Variants in DNAH17 observed in about 807,000 individuals in gnomAD.
DNAH17 encodes the protein axonemal beta dynein heavy chain 17.
DNAH17 carries 376 observed loss-of-function variants against 485.6 expected under a neutral mutation model. That is an observed-to-expected ratio of 0.77 (90% CI 0.71 to 0.84). DNAH17 has a LOEUF of 0.84. Among genes scored for constraint, DNAH17 ranks in the 40% least tolerant of loss-of-function variants. DNAH17 has a pLI of 0.00. For missense variants in DNAH17, 6,370 were observed against 5,839.3 expected (o/e 1.09, Z -2.96); for synonymous variants, 3,031 against 2,405.9 (o/e 1.26, Z -7.60).
At chr17:78,554,352 G>A (rs115727505) in intron 14 of DNAH17, among the ~76,000 whole-genome samples, 21 of 141,028 alleles carry the variant, frequency 1.5e-4, no homozygotes, top group Admixed American at 8.6e-4. Context: ...TGCGAGAATC[G>A]CTTGAACCCA....
intron 54 of DNAH17, 128 bp downstream of exon 54, chr17:78,475,150 G>T: frequency 1.8e-6 from 2 of 1,081,896 alleles, no homozygotes; most frequent in Non-Finnish European, 2.6e-6. Flanking sequence ...AAGACCCTTT[G>T]GATAAGGACT....
At chr17:78,485,153 T>A in intron 47 of DNAH17, 120 bp from the exon 48 acceptor site, 6 of 1,321,678 alleles carry the variant, frequency 4.5e-6, no homozygotes, top group Non-Finnish European at 6.0e-6. Flanking sequence ...GGGATCCAAG[T>A]TTACCAAAGG....
At chr17:78,572,181 G>A (rs1251230770) in intron 3 of DNAH17, among the ~76,000 whole-genome samples, 2 of 152,160 alleles carry the variant, frequency 1.3e-5, no homozygotes, top group East Asian at 3.9e-4. Flanking sequence ...AATTGTCACG[G>A]GGGTCTCACA....
intron 2 of DNAH17, among the ~76,000 whole-genome samples, chr17:78,574,184 G>A (rs1002565925): frequency 2.0e-5 from 3 of 152,172 alleles, no homozygotes; most frequent in African/African-American, 7.2e-5. Context: ...ACCACCTGGA[G>A]GTCTTGTTAG....
intron 19 of DNAH17, among the ~76,000 whole-genome samples, chr17:78,533,636 C>T (rs538608008): frequency 4.6e-5 from 7 of 152,214 alleles, no homozygotes; most frequent in South Asian, 2.1e-4. Context: ...CCAAGGTGGT[C>T]GGTGTGTGTA....
chr17:78,558,601 G>GGGTGGATGATGTCATCATTGTA (rs1469272384), intron 13 of DNAH17, among the ~76,000 whole-genome samples: 139 of 152,160 alleles, frequency 9.1e-4, no homozygotes, highest in African/African-American at 3.2e-3. Flanking sequence ...TTATCCTTAT[G>GGGTGGATGATGTCATCATTGTA]GGTGGATGAT....
chr17:78,569,318 G>A, intron 8 of DNAH17, 57 bp downstream of exon 8: 1 of 1,603,294 alleles, frequency 6.2e-7, no homozygotes, highest in Admixed American at 1.7e-5. Context: ...TCAAATATCG[G>A]GGCTCATATG....
chr17:78,492,157 T>G (rs690696), intron 42 of DNAH17, among the ~76,000 whole-genome samples: 93,971 of 151,436 alleles, frequency 0.62, 29,374 homozygotes, highest in East Asian at 0.82. Context: ...TCCCGCTGAC[T>G]CCTCCTCAGC....
At chr17:78,456,559 G>A (rs772081395) in intron 62 of DNAH17, among the ~76,000 whole-genome samples, 10 of 152,218 alleles carry the variant, frequency 6.6e-5, no homozygotes, top group Non-Finnish European at 1.3e-4. Context: ...CATCCAGAAG[G>A]CACCTGGCCC....
At chr17:78,449,281 A>G (rs2146487389) in intron 69 of DNAH17, 133 bp downstream of exon 69, 1 of 874,060 alleles carries the variant, frequency 1.1e-6, no homozygotes, top group South Asian at 1.7e-5. Flanking sequence ...ACCTGGGTAT[A>G]TTGCTAAAAT....
At chr17:78,442,932 A>C (rs930207475) in intron 71 of DNAH17, among the ~76,000 whole-genome samples, 7 of 152,152 alleles carry the variant, frequency 4.6e-5, no homozygotes, top group African/African-American at 1.7e-4. Flanking sequence ...GTTATTAGTC[A>C]CGTCTGTTTC....
intron 26 of DNAH17, among the ~76,000 whole-genome samples, chr17:78,512,634 A>G (rs1005832147): frequency 6.6e-6 from 1 of 152,092 alleles, no homozygotes; most frequent in Non-Finnish European, 1.5e-5. Context: ...CCCCTCTACC[A>G]AGAATGATAG....
intron 42 of DNAH17, among the ~76,000 whole-genome samples, chr17:78,492,340 C>T (rs959826796): frequency 9.8e-5 from 15 of 152,308 alleles, no homozygotes; most frequent in South Asian, 4.1e-4. Flanking sequence ...GCACTCCTCA[C>T]GGGTCACACC....
At chr17:78,552,857 TG>T in intron 14 of DNAH17, 52 bp from the exon 15 acceptor site, 3 of 1,307,360 alleles carry the variant, frequency 2.3e-6, no homozygotes, top group Non-Finnish European at 2.2e-6. Flanking sequence ...GATTTTAAAT[TG>T]TTCTCTGGTA....
rs754845656 is a variant in DNAH17 at position 78,496,052 on chromosome 17, G to C, written c.5746-20C>G. ...TTTTACCTGCACGGTTGGTGACACA[G>C]ACATGTTAGCATGGAAATGGCCAGC... On this transcript the variant is annotated intron_variant, in intron 37 of 80. Transcript: ENST00000389840. 1.2e-6 allele frequency: 2 copies of C among 1,605,440 alleles called. No homozygotes were observed. Among genetic ancestry groups the C allele is most frequent in the South Asian group, 2.2e-5 (2 of 90,362 alleles).
chr17:78,555,543 C>CCAAAAAAAAA (rs1555693737), intron 14 of DNAH17, among the ~76,000 whole-genome samples: 1 of 77,714 alleles, frequency 1.3e-5, no homozygotes, highest in African/African-American at 5.6e-5. Flanking sequence ...GATTCCGTCA[C>CCAAAAAAAAA]AAAAAAAAAA....
At chr17:78,434,779 C>T (rs1443461233) in intron 74 of DNAH17, among the ~76,000 whole-genome samples, 3 of 152,150 alleles carry the variant, frequency 2.0e-5, no homozygotes, top group Non-Finnish European at 4.4e-5. Flanking sequence ...TGAGCTTTTA[C>T]TCATTAACCT....
intron 54 of DNAH17, among the ~76,000 whole-genome samples, chr17:78,474,367 C>A (rs562068501): frequency 6.6e-6 from 1 of 152,240 alleles, no homozygotes; most frequent in South Asian, 2.1e-4. Flanking sequence ...ACTAATGGCA[C>A]GCAGTTGCCT....
rs200216022 is a variant in DNAH17 at position 78,450,275 on chromosome 17, G to A, written c.11019C>T (p.Pro3673=). ...FILNDLNKIN[P]VYQFSLKAFN... ...GCACCTTGAGGGAGAACTGGTAGAC[G>A]GGGTTGATTTTGTTGAGATCGTTCA... The change falls in exon 68 of 81, where the codon CCC becomes CCT. Residue 3673 remains proline (P), a synonymous_variant. Coordinates refer to ENST00000389840, the MANE Select transcript of DNAH17 (RefSeq NM_173628.4). The A allele has an allele frequency of 2.3e-5, 37 of 1,613,834 alleles. No individual in the cohort carries two copies. Among genetic ancestry groups the A allele is most frequent in the African/African-American group, 5.3e-5 (4 of 74,942 alleles).
Sources: allele counts gnomAD v4.1 joint callset (sites outside exome capture counted in the v4.1 genomes callset), GRCh38; gene constraint gnomAD v4.1.1; transcripts MANE v1.5; gene names NCBI Gene and HGNC (gene_info 2026-07-23, HGNC 2026-07-21).